Variants in MAP3K19 observed in about 807,000 individuals in gnomAD.
The protein encoded by MAP3K19 is SPS1/STE20-related protein kinase YSK4.
Under a neutral mutation model 114.4 loss-of-function variants are expected in MAP3K19, and 91 were observed. The ratio of observed to expected loss-of-function variants is 0.80; its 90% CI spans 0.67 to 0.95. The LOEUF (loss-of-function observed/expected upper bound fraction) is 0.95. Ranked by LOEUF, MAP3K19 falls within the 40% of genes least tolerant of loss-of-function variation. The probability of loss-of-function intolerance (pLI) is 0.00; values close to 1 mark genes in which losing one functional copy is unlikely to be tolerated. For synonymous variants in MAP3K19, 518 were observed against 530.5 expected (o/e 0.98, Z 0.32); for missense variants, 1,471 against 1,573.2 (o/e 0.94, Z 1.10).
chr2:134,972,350 A>T (rs143006098), intron 12 of MAP3K19, among the ~76,000 whole-genome samples: 43 of 152,216 alleles, frequency 2.8e-4, no homozygotes, highest in African/African-American at 9.9e-4. Context: ...GAGGACATGC[A>T]ATGTTTGTCT....
At position 134,983,637 on chromosome 2, in the gene MAP3K19, G is replaced by T. The variant is rs780068524; in HGVS notation, c.3222+39C>A. 3.4e-6 allele frequency: 5 copies of T among 1,481,166 alleles called. No individual in the cohort carries two copies. The South Asian group carries it at 5.7e-5, about 17-fold the overall frequency. The allele number at this position is 1,481,166 out of a possible 1,614,324, so 91.8% of individuals were successfully genotyped here. ...GGGGTGGAGGGAGGGACTGTGGGGG[G>T]GTGGGGAGTGCTGATTTCAAGTTTC... On this transcript the variant is annotated intron_variant, in intron 11 of 12. Coordinates refer to ENST00000392915, the MANE Select transcript of MAP3K19 (RefSeq NM_025052.5).
intron 2 of MAP3K19, among the ~76,000 whole-genome samples, chr2:135,037,300 A>G (rs570507705): frequency 2.0e-5 from 3 of 152,280 alleles, no homozygotes; most frequent in Admixed American, 6.5e-5. Flanking sequence ...CTGGTTTTTG[A>G]CAGCAGACCC....
rs150468326 is a variant in MAP3K19, at chr2:134,986,235, A to T, written c.2637T>A (p.Ser879Arg). ...QQEKQNTASL[S>R]KVNASRILTN... ...TTAAAATTCGGCTGGCATTTACTTT[A>T]CTAAGAGATGCTGTATTCTGCTTTT... Residue 879 changes from serine (S) to arginine (R), a missense_variant, in exon 10 of 13, where the codon AGT becomes AGA. Ser to Arg is a moderately radical substitution (Grantham distance 110). Transcript: ENST00000392915. 120 of 1,614,040 alleles carry T rather than the reference A, an allele frequency of 7.4e-5. No individual in the cohort carries two copies. In the African/African-American group the frequency reaches 1.5e-3, roughly 20 times the overall value.
intron 4 of MAP3K19, 39 bp downstream of exon 4, chr2:135,024,587 T>G (rs745804913): frequency 1.3e-6 from 2 of 1,589,206 alleles, no homozygotes; most frequent in African/African-American, 1.3e-5. Flanking sequence ...CAGGAATTTT[T>G]GGGTTGGGAA....
At chr2:135,046,073 C>A (rs1368238455) in intron 1 of MAP3K19, among the ~76,000 whole-genome samples, 1 of 152,066 alleles carries the variant, frequency 6.6e-6, no homozygotes. Context: ...TACAGGTGCA[C>A]AGCACTATGC....
intron 5 of MAP3K19, among the ~76,000 whole-genome samples, chr2:135,014,360 C>T (rs1436698460): frequency 1.3e-5 from 2 of 151,538 alleles, no homozygotes; most frequent in Non-Finnish European, 1.5e-5. Flanking sequence ...GACCCTGTCT[C>T]CAAAAAAGAA....
At chr2:135,020,171 C>T (rs1453845767) in intron 5 of MAP3K19, among the ~76,000 whole-genome samples, 7 of 152,170 alleles carry the variant, frequency 4.6e-5, no homozygotes, top group African/African-American at 1.4e-4. Flanking sequence ...GTGCCCACCA[C>T]CAAGCCTGGC....
At chr2:134,997,829 A>AAAAAAAAAAAAAAAAAAAAAAAAAAAC (rs1686128338) in intron 8 of MAP3K19, among the ~76,000 whole-genome samples, 2 of 151,694 alleles carry the variant, frequency 1.3e-5, no homozygotes, top group Non-Finnish European at 2.9e-5. Flanking sequence ...AAAAAAAAAA[A>AAAAAAAAAAAAAAAAAAAAAAAAAAAC]ACTTTAAGCA....
intron 5 of MAP3K19, 24 bp from the exon 6 acceptor site, chr2:135,005,555 C>T (rs1686753498): frequency 6.3e-7 from 1 of 1,576,034 alleles, no homozygotes; most frequent in African/African-American, 1.3e-5. Context: ...AAATTCAAAA[C>T]TCAGTTATTA....
chr2:134,967,004 ATGT>A (rs1683403685), intron 12 of MAP3K19, among the ~76,000 whole-genome samples: 1 of 152,320 alleles, frequency 6.6e-6, no homozygotes, highest in East Asian at 1.9e-4. Context: ...CTTTGCTGAG[ATGT>A]TGTTAATCTG....
chr2:134,975,481 T>C (rs551339761), intron 12 of MAP3K19, among the ~76,000 whole-genome samples: 2 of 152,276 alleles, frequency 1.3e-5, no homozygotes, highest in South Asian at 4.1e-4. Flanking sequence ...TGACCTTTCC[T>C]CAGGCCCTCC....
chr2:135,023,174 C>A, intron 4 of MAP3K19: 1 of 276,056 alleles, frequency 3.6e-6, no homozygotes, highest in South Asian at 3.8e-5. Context: ...TATCTTCTGC[C>A]TACATCCTGC....
intron 12 of MAP3K19, among the ~76,000 whole-genome samples, chr2:134,974,082 C>T (rs1290812679): frequency 6.6e-6 from 1 of 151,978 alleles, no homozygotes; most frequent in Admixed American, 6.6e-5. Flanking sequence ...GCTCACTGCA[C>T]CCTCCACCTC....
Position 135,025,388 on chromosome 2 carries a change from T to C in MAP3K19, c.-94-647A>G, listed in dbSNP as rs975875874. Among the ~76,000 whole-genome samples the C allele has an allele frequency of 2.7e-3, 363 of 136,942 alleles. 5 individuals are homozygous for C. The highest frequency in any genetic ancestry group is 9.3e-3 in the African/African-American group (334 of 35,986). The allele number at this position is 136,942 out of a possible 152,430, so 89.8% of individuals were successfully genotyped here. A position where few individuals can be genotyped will look rare whatever the true frequency, so the allele number is the denominator to read the frequency against. Reference sequence around the variant, plus strand: ...TGGCCTTTTCTTTTCTTTTTTTTTTTTTTTTTTTTTTTTTTGAGGCGGAGT... The same window carrying C: ...TGGCCTTTTCTTTTCTTTTTTTTTTCTTTTTTTTTTTTTTTGAGGCGGAGT... On this transcript the variant is annotated intron_variant, in intron 3 of 12. Transcript: ENST00000392915.
intron 2 of MAP3K19, among the ~76,000 whole-genome samples, chr2:135,035,511 T>C (rs1688506857): frequency 6.6e-6 from 1 of 152,182 alleles, no homozygotes; most frequent in South Asian, 2.1e-4. Context: ...GGATATAGAG[T>C]GATAGCTAAA....
At chr2:135,037,413 G>A (rs187446978) in intron 2 of MAP3K19, among the ~76,000 whole-genome samples, 380 of 152,324 alleles carry the variant, frequency 2.5e-3, no homozygotes, top group African/African-American at 8.5e-3. Context: ...TTGGAGTTCT[G>A]TTGACAGTAG....
At chr2:135,042,501 C>CA (rs1168430275) in intron 1 of MAP3K19, among the ~76,000 whole-genome samples, 650 of 57,852 alleles carry the variant, frequency 0.011, 6 homozygotes, top group Middle Eastern at 0.04. Flanking sequence ...GACTCTGTCT[C>CA]AAAAAAAAAA....
intron 8 of MAP3K19, 125 bp from the exon 9 acceptor site, chr2:134,991,705 G>T: frequency 1.3e-6 from 1 of 767,990 alleles, no homozygotes. Flanking sequence ...GAAATTGGAG[G>T]TTTCCCCTGT....
At chr2:134,967,963 A>T (rs1255028909) in intron 12 of MAP3K19, among the ~76,000 whole-genome samples, 14 of 151,948 alleles carry the variant, frequency 9.2e-5, no homozygotes, top group Non-Finnish European at 1.5e-4. Flanking sequence ...CAGATAAACA[A>T]GTGAACAAAG....
Sources: allele counts gnomAD v4.1 joint callset (sites outside exome capture counted in the v4.1 genomes callset), GRCh38; gene constraint gnomAD v4.1.1; transcripts MANE v1.5; gene names NCBI Gene and HGNC (gene_info 2026-07-23, HGNC 2026-07-21).